The following KCNK10 variants were observed in gnomAD, a reference collection of about 807,000 sequenced individuals.
The protein encoded by KCNK10 is potassium two pore domain channel subfamily K member 10, also known as potassium channel subfamily K member 10.
Under a neutral mutation model 47.7 loss-of-function variants are expected in KCNK10, and 25 were observed. That is an observed-to-expected ratio of 0.52 (90% confidence interval 0.38 to 0.73). The LOEUF (loss-of-function observed/expected upper bound fraction) is 0.73, where lower values mean the gene tolerates loss of function less well. Among genes scored for constraint, KCNK10 ranks in the 30% least tolerant of loss-of-function variants. KCNK10 has a pLI of 0.00. For synonymous variants in KCNK10, 303 were observed against 285.6 expected (o/e 1.06, Z -0.61); for missense variants, 563 against 714.5 (o/e 0.79, Z 2.42).
chr14:88,239,718 G>T (rs36078769), intron 3 of KCNK10, among the ~76,000 whole-genome samples: 30,358 of 151,774 alleles, frequency 0.2, 3,283 homozygotes, highest in East Asian at 0.37. Context: ...AATTAGCTAG[G>T]CATGGTGGTG....
chr14:88,289,493 A>G (rs1196626063), intron 1 of KCNK10, among the ~76,000 whole-genome samples: 2 of 152,208 alleles, frequency 1.3e-5, no homozygotes, highest in African/African-American at 4.8e-5. Flanking sequence ...GCTTTGGGTG[A>G]TGGCAGGAAT....
At chr14:88,259,103 G>T (rs1278425588) in intron 2 of KCNK10, among the ~76,000 whole-genome samples, 3 of 152,162 alleles carry the variant, frequency 2.0e-5, no homozygotes, top group African/African-American at 7.2e-5. Context: ...AACCCTTCCA[G>T]ATGTGAAAAC....
chr14:88,262,602 A>C (rs1426326106), intron 2 of KCNK10, among the ~76,000 whole-genome samples: 3 of 152,168 alleles, frequency 2.0e-5, no homozygotes, highest in African/African-American at 7.2e-5. Flanking sequence ...TTTTTTCCTT[A>C]ATATCCAGGG....
intron 1 of KCNK10, among the ~76,000 whole-genome samples, chr14:88,309,100 A>G (rs1230782583): frequency 6.6e-6 from 1 of 152,224 alleles, no homozygotes. Flanking sequence ...GGCCTACAAC[A>G]GTGCCTGTCA....
intron 2 of KCNK10, among the ~76,000 whole-genome samples, chr14:88,255,836 G>A (rs566424401): frequency 1.3e-5 from 2 of 152,010 alleles, no homozygotes; most frequent in South Asian, 2.1e-4. Context: ...CTCCAGTGTG[G>A]GTAAGAGAGC....
chr14:88,223,856 A>T (rs961783808), intron 4 of KCNK10, among the ~76,000 whole-genome samples: 3 of 151,800 alleles, frequency 2.0e-5, no homozygotes, highest in Non-Finnish European at 2.9e-5. Context: ...ATCTAGTTTA[A>T]TATGTTATTT....
chr14:88,253,480 T>A (rs1886856328), intron 2 of KCNK10, among the ~76,000 whole-genome samples: 3 of 152,178 alleles, frequency 2.0e-5, no homozygotes, highest in Admixed American at 2.0e-4. Context: ...AGGTACCTCA[T>A]AAATACATAC....
At chr14:88,326,192 A>ACCC (rs2139812871), upstream of KCNK10, among the ~76,000 whole-genome samples, 4 of 69,602 alleles carry the variant, frequency 5.7e-5, no homozygotes, top group Admixed American at 2.4e-4. Context: ...CCCCCCCCCA[A>ACCC]AAAAAAATCC....
Position 88,255,165 on chromosome 14 carries a change from C to T in KCNK10, c.402+8037G>A, listed in dbSNP as rs139931356. ...GTTTCTTGAATCATGTTTCCTTCTC[C>T]CTCCAGCCTTTTCCTTGGAGTAAAA... On this transcript the variant is annotated intron_variant, in intron 2 of 6. Transcript: ENST00000319231. Among the ~76,000 whole-genome samples, 766 of 152,292 alleles carry T rather than the reference C, an allele frequency of 5.0e-3. 10 individuals are homozygous for T. Among genetic ancestry groups the T allele is most frequent in the African/African-American group, 0.018 (742 of 41,566 alleles).
At chr14:88,308,284 C>T (rs1364212561) in intron 1 of KCNK10, among the ~76,000 whole-genome samples, 5 of 152,110 alleles carry the variant, frequency 3.3e-5, no homozygotes, top group Non-Finnish European at 7.4e-5. Context: ...GGAAGTGCGG[C>T]CTCAAACTCC....
At chr14:88,212,835 TA>T (rs1885504661) in intron 4 of KCNK10, among the ~76,000 whole-genome samples, 1 of 152,212 alleles carries the variant, frequency 6.6e-6, no homozygotes, top group South Asian at 2.1e-4. Flanking sequence ...AGTGCACTTC[TA>T]ACAGGAATGC....
chr14:88,187,149 C>T (rs979890198), intron 6 of KCNK10, among the ~76,000 whole-genome samples: 1 of 152,158 alleles, frequency 6.6e-6, no homozygotes, highest in African/African-American at 2.4e-5. Flanking sequence ...GGAAAATTAG[C>T]ATATGGGCCC....
At chr14:88,271,286 A>G (rs1887399923) in intron 1 of KCNK10, among the ~76,000 whole-genome samples, 1 of 152,040 alleles carries the variant, frequency 6.6e-6, no homozygotes, top group Non-Finnish European at 1.5e-5. Context: ...CCATTCTCCC[A>G]TTTGCTTTGG....
At chr14:88,209,286 G>A (rs1885380067) in intron 4 of KCNK10, among the ~76,000 whole-genome samples, 1 of 152,182 alleles carries the variant, frequency 6.6e-6, no homozygotes, top group Non-Finnish European at 1.5e-5. Flanking sequence ...CAAGCTGAGA[G>A]GCAGTCAGCA....
rs146393040 is a variant in KCNK10 at position 88,291,499 on chromosome 14, T to C, written c.53-27948A>G. On this transcript the variant is annotated intron_variant, in intron 1 of 6. Coordinates refer to ENST00000319231, the MANE Select transcript of KCNK10 (RefSeq NM_138317.3). ...AAGAACACATAGCATTGCAGCACTATGGCAAATGAAGGAGCAGAAAGAGAA... is the reference window on the plus strand; with the variant it reads ...AAGAACACATAGCATTGCAGCACTACGGCAAATGAAGGAGCAGAAAGAGAA... Among the ~76,000 whole-genome samples, 308 of 152,280 alleles carry C rather than the reference T, an allele frequency of 2.0e-3. 2 individuals are homozygous for C. Among genetic ancestry groups the C allele is most frequent in the African/African-American group, 7.1e-3 (295 of 41,544 alleles).
upstream of KCNK10, chr14:88,323,364 T>C: frequency 1.1e-6 from 1 of 908,118 alleles, no homozygotes; most frequent in Non-Finnish European, 1.3e-6. Context: ...CACTTCCCGC[T>C]CCCCGAAAGC....
At chr14:88,317,547 A>G (rs948718475) in intron 1 of KCNK10, among the ~76,000 whole-genome samples, 5 of 152,246 alleles carry the variant, frequency 3.3e-5, no homozygotes, top group African/African-American at 1.2e-4. Flanking sequence ...AAAGAGCAGG[A>G]GAGTGTGGAA....
chr14:88,299,487 T>C (rs1165185021), intron 1 of KCNK10, among the ~76,000 whole-genome samples: 2 of 152,248 alleles, frequency 1.3e-5, no homozygotes, highest in Non-Finnish European at 2.9e-5. Context: ...CTAATAAATG[T>C]ATCTGGCTCC....
intron 4 of KCNK10, among the ~76,000 whole-genome samples, chr14:88,207,409 C>A (rs1204213074): frequency 6.6e-6 from 1 of 152,116 alleles, no homozygotes; most frequent in Non-Finnish European, 1.5e-5. Context: ...CTCCTGACCT[C>A]ATGATCCGCC....
Sources: gnomAD v4.1 joint callset for allele counts (sites outside exome capture counted in the v4.1 genomes callset) on GRCh38, gnomAD v4.1.1 for gene constraint, MANE v1.5 for transcripts, NCBI Gene and HGNC (gene_info 2026-07-23, HGNC 2026-07-21) for gene names.